MTX2: variants seen among roughly 807,000 people sequenced by gnomAD.
MTX2 encodes the protein metaxin 2, also known as metaxin-2.
Under a neutral mutation model 42.3 loss-of-function variants are expected in MTX2, and 35 were observed. The observed-to-expected ratio is 0.83, with a 90% CI of 0.63 to 1.10. The LOEUF (loss-of-function observed/expected upper bound fraction) is 1.10, where lower values mean the gene tolerates loss of function less well. MTX2 is among the 50% of genes least tolerant of loss of function. The pLI is 0.00. For missense variants in MTX2, 307 were observed against 304.1 expected, an observed-to-expected ratio of 1.01 and a Z score of -0.07; for synonymous variants, 119 against 100.9, an observed-to-expected ratio of 1.18 and a Z score of -1.08.
intron 3 of MTX2, among the ~76,000 whole-genome samples, chr2:176,318,195 G>A (rs1684492479): frequency 6.6e-6 from 1 of 151,736 alleles, no homozygotes; most frequent in Non-Finnish European, 1.5e-5. Context: ...AGATAAATGT[G>A]TAAATTTAGT....
chr2:176,315,117 A>G (rs1025127043), intron 3 of MTX2, among the ~76,000 whole-genome samples: 3 of 152,198 alleles, frequency 2.0e-5, no homozygotes, highest in African/African-American at 7.2e-5. Flanking sequence ...TTTTCAAAGC[A>G]CATGGCCGTA....
chr2:176,332,385 A>G (rs2105448049), intron 9 of MTX2, among the ~76,000 whole-genome samples: 1 of 151,504 alleles, frequency 6.6e-6, no homozygotes. Context: ...GGCCTAAGTC[A>G]GGTATTATAC....
intron 9 of MTX2, 120 bp downstream of exon 9, chr2:176,330,780 C>G (rs1451410681): frequency 1.4e-6 from 1 of 710,366 alleles, no homozygotes; most frequent in Non-Finnish European, 2.3e-6. Context: ...TTTTTGTACT[C>G]AAATATTTTT....
rs73036846 is a variant in MTX2, at chr2:176,290,577, A to G, written c.41-6283A>G. ...TCCTTTTGGATTTTGTCTTTTCCCAAACCAAGAGATCAGCTTTTTATAAGG... is the reference window on the plus strand; with the variant it reads ...TCCTTTTGGATTTTGTCTTTTCCCAGACCAAGAGATCAGCTTTTTATAAGG... On this transcript the variant is annotated intron_variant, in intron 1 of 9. Coordinates refer to ENST00000249442, the MANE Select transcript of MTX2 (RefSeq NM_006554.5). 9.9e-3 allele frequency among the ~76,000 whole-genome samples: 1,503 copies of G among 152,224 alleles called. 31 individuals carry two copies. Among genetic ancestry groups the G allele is most frequent in the African/African-American group, 0.035 (1,455 of 41,532 alleles).
chr2:176,323,393 C>G lies in MTX2; in HGVS notation c.137C>G (p.Ala46Gly), dbSNP rs768883123. Residue 46 changes from alanine to glycine, a missense_variant and splice_region_variant, in exon 4 of 10, where the codon GCC (alanine) becomes GGC (glycine). Physicochemically the swap from Ala to Gly is moderately conservative, Grantham distance 60. Coordinates refer to ENST00000249442, the MANE Select transcript of MTX2 (RefSeq NM_006554.5). ...SDNAASLAVQ[A>G]FLQMCNLPIK... Reference sequence around the variant, plus strand: ...TATTGTATGTATCTTGATTTACAGGCCTTTTTGCAAATGTGTAACTTGCCT... The same window carrying G: ...TATTGTATGTATCTTGATTTACAGGGCTTTTTGCAAATGTGTAACTTGCCT... The G allele has an allele frequency of 1.9e-6, 3 of 1,610,204 alleles. No homozygotes were observed. Among genetic ancestry groups the G allele is most frequent in the Admixed American group, 1.7e-5 (1 of 59,910 alleles).
intron 1 of MTX2, among the ~76,000 whole-genome samples, chr2:176,294,493 T>G (rs1445664936): frequency 6.6e-6 from 1 of 152,110 alleles, no homozygotes; most frequent in African/African-American, 2.4e-5. Flanking sequence ...GCCAGGCTGG[T>G]CTTGAACTCC....
In MTX2 at chr2:176,321,384, G is replaced by A. The variant is rs574606194; in HGVS notation, c.136-2008G>A. 2.0e-5 allele frequency among the ~76,000 whole-genome samples: 3 copies of A among 152,260 alleles called. No individual in the cohort carries two copies. In the East Asian group the frequency reaches 5.8e-4, roughly 29 times the overall value. ...ATAGACACAGAAGAATCAACTTCTGGTGGGGCAGGATGGTGTTTAAACTTA... is the reference window on the plus strand; with the variant it reads ...ATAGACACAGAAGAATCAACTTCTGATGGGGCAGGATGGTGTTTAAACTTA... On this transcript the variant is annotated intron_variant, in intron 3 of 9. Transcript: ENST00000249442.
At chr2:176,288,133 A>G (rs2105405122) in intron 1 of MTX2, among the ~76,000 whole-genome samples, 4 of 152,226 alleles carry the variant, frequency 2.6e-5, no homozygotes, top group South Asian at 4.2e-4. Context: ...TAATTTCATG[A>G]CCATCATTAT....
intron 3 of MTX2, among the ~76,000 whole-genome samples, chr2:176,299,937 A>C (rs894753102): frequency 3.3e-5 from 5 of 151,794 alleles, no homozygotes; most frequent in Non-Finnish European, 4.4e-5. Flanking sequence ...AAACTAAGTG[A>C]TTGGGTCTTT....
At chr2:176,331,216 T>C (rs2105447040) in intron 9 of MTX2, among the ~76,000 whole-genome samples, 1 of 151,282 alleles carries the variant, frequency 6.6e-6, no homozygotes, top group East Asian at 1.9e-4. Flanking sequence ...TGAATAATGT[T>C]TCATTAATAG....
At chr2:176,312,863 CAAAAAA>C (rs557475003) in intron 3 of MTX2, among the ~76,000 whole-genome samples, 1 of 56,030 alleles carries the variant, frequency 1.8e-5, no homozygotes, top group Non-Finnish European at 4.0e-5. Context: ...AATGCCATCT[CAAAAAA>C]AAAAAAAAAA....
chr2:176,334,008 A>T (rs544484903), intron 9 of MTX2, among the ~76,000 whole-genome samples: 9 of 151,900 alleles, frequency 5.9e-5, no homozygotes, highest in African/African-American at 2.2e-4. Flanking sequence ...GCTTTGGTTT[A>T]ATCTGTTGAA....
chr2:176,282,186 A>T (rs78555105), intron 1 of MTX2, among the ~76,000 whole-genome samples: 1,383 of 121,092 alleles, frequency 0.011, 30 homozygotes, highest in African/African-American at 0.044. Context: ...TTTAGATAGC[A>T]AAAGACCTGC....
chr2:176,279,789 C>T (rs112353350), intron 1 of MTX2, among the ~76,000 whole-genome samples: 125 of 152,078 alleles, frequency 8.2e-4, no homozygotes, highest in African/African-American at 2.9e-3. Context: ...TTGCCATCTA[C>T]GTGCACTGAT....
At chr2:176,283,418 G>A (rs1278271018) in intron 1 of MTX2, among the ~76,000 whole-genome samples, 2 of 152,086 alleles carry the variant, frequency 1.3e-5, no homozygotes, top group Non-Finnish European at 2.9e-5. Context: ...TTTCTACTGT[G>A]TTCTCATACT....
At chr2:176,312,210 T>C (rs1305729222) in intron 3 of MTX2, among the ~76,000 whole-genome samples, 1 of 152,208 alleles carries the variant, frequency 6.6e-6, no homozygotes, top group African/African-American at 2.4e-5. Context: ...AATTACAAAA[T>C]GCTAATTTTT....
At chr2:176,274,011 C>G (rs771629115) in intron 1 of MTX2, among the ~76,000 whole-genome samples, 1 of 151,878 alleles carries the variant, frequency 6.6e-6, no homozygotes, top group Non-Finnish European at 1.5e-5. Flanking sequence ...TGCCCCTTGC[C>G]TGAGATGTGC....
intron 3 of MTX2, among the ~76,000 whole-genome samples, chr2:176,320,686 T>C (rs1684563580): frequency 7.0e-6 from 1 of 143,728 alleles, no homozygotes; most frequent in African/African-American, 2.5e-5. Flanking sequence ...TCCTCCCTTT[T>C]TACTTATTCT....
At chr2:176,300,821 G>C (rs1052348244) in intron 3 of MTX2, among the ~76,000 whole-genome samples, 3 of 152,076 alleles carry the variant, frequency 2.0e-5, no homozygotes, top group Non-Finnish European at 4.4e-5. Flanking sequence ...TTAACATATT[G>C]AATGTGAGGA....
Sources: gnomAD v4.1 joint callset for allele counts (sites outside exome capture counted in the v4.1 genomes callset) on GRCh38, gnomAD v4.1.1 for gene constraint, MANE v1.5 for transcripts, NCBI Gene and HGNC (gene_info 2026-07-23, HGNC 2026-07-21) for gene names.